Variants in FAM135B observed in about 807,000 individuals in gnomAD.
The protein encoded by FAM135B is protein FAM135B.
In FAM135B, 43 loss-of-function variants were observed where a neutral mutation model predicts 127.7. The ratio of observed to expected loss-of-function variants is 0.34; its 90% CI spans 0.26 to 0.43. The LOEUF is 0.43. Ranked by LOEUF, FAM135B falls within the 20% of genes least tolerant of loss-of-function variation. The probability of loss-of-function intolerance (pLI) is 1.00; values close to 1 mark genes in which losing one functional copy is unlikely to be tolerated. For synonymous variants in FAM135B, 670 were observed against 665.1 expected (o/e 1.01, Z -0.11); for missense variants, 1,558 against 1,725.6 (o/e 0.90, Z 1.72).
Position 138,242,520 on chromosome 8 carries a change from TA to T in FAM135B, c.669+421del, listed in dbSNP as rs1409646501. Among the ~76,000 whole-genome samples, 1 of 152,078 alleles carries T rather than the reference TA, an allele frequency of 6.6e-6. No homozygotes were observed. Among genetic ancestry groups the T allele is most frequent in the Non-Finnish European group, 1.5e-5 (1 of 68,024 alleles). On this transcript the variant is annotated intron_variant, in intron 7 of 19. Coordinates refer to ENST00000395297, the MANE Select transcript of FAM135B (RefSeq NM_015912.4). The surrounding 1 kb of genome is among the most constrained non-coding windows in gnomAD (Gnocchi z 9.6). ...GGGTACATATAACACTCCATGAGATTATTAGCTATTGGGGAGCCCACTCTAC... is the reference window on the plus strand; with the variant it reads ...GGGTACATATAACACTCCATGAGATTTTAGCTATTGGGGAGCCCACTCTAC...
intron 2 of FAM135B, among the ~76,000 whole-genome samples, chr8:138,365,516 A>G (rs1275757061): frequency 6.6e-6 from 1 of 152,234 alleles, no homozygotes; most frequent in Non-Finnish European, 1.5e-5. Flanking sequence ...AGTTTTTAAA[A>G]TATAACTAAA....
chr8:138,290,325 C>T (rs185755238), intron 3 of FAM135B, among the ~76,000 whole-genome samples: 117 of 152,266 alleles, frequency 7.7e-4, no homozygotes, highest in African/African-American at 2.7e-3. Flanking sequence ...AGAAGAGAAA[C>T]GATACAAAGA....
intron 1 of FAM135B, among the ~76,000 whole-genome samples, chr8:138,431,886 A>G (rs1176611581): frequency 1.3e-5 from 2 of 152,220 alleles, no homozygotes; most frequent in Non-Finnish European, 2.9e-5. Context: ...AGCATCCTCC[A>G]GAGGAAAGGC....
At chr8:138,184,035 A>T (rs1815327996) in intron 9 of FAM135B, among the ~76,000 whole-genome samples, 1 of 152,236 alleles carries the variant, frequency 6.6e-6, no homozygotes, top group Non-Finnish European at 1.5e-5. Flanking sequence ...GCAAGGCACC[A>T]TGAAACACAG....
chr8:138,227,786 G>A (rs1819586824), intron 7 of FAM135B, among the ~76,000 whole-genome samples: 1 of 146,264 alleles, frequency 6.8e-6, no homozygotes, highest in South Asian at 2.2e-4. Flanking sequence ...TTAATATGAG[G>A]TCTGCTCTCT....
chr8:138,315,201 C>T (rs2130914877), intron 2 of FAM135B, among the ~76,000 whole-genome samples: 1 of 152,204 alleles, frequency 6.6e-6, no homozygotes. Flanking sequence ...AAATTACCAA[C>T]ACGTTTGTGA....
chr8:138,240,748 G>A (rs888006721), intron 7 of FAM135B, among the ~76,000 whole-genome samples: 2 of 152,186 alleles, frequency 1.3e-5, no homozygotes, highest in African/African-American at 4.8e-5. Flanking sequence ...ACCTGACAAA[G>A]TCTTGGAGGG....
At chr8:138,227,371 G>A (rs1367630548) in intron 7 of FAM135B, among the ~76,000 whole-genome samples, 1 of 152,184 alleles carries the variant, frequency 6.6e-6, no homozygotes, top group Non-Finnish European at 1.5e-5. Context: ...GTTGACAATG[G>A]CACATTAGTA....
intron 1 of FAM135B, among the ~76,000 whole-genome samples, chr8:138,409,336 G>T (rs2131397588): frequency 6.6e-6 from 1 of 152,154 alleles, no homozygotes; most frequent in South Asian, 2.1e-4. Flanking sequence ...TCTTACATGG[G>T]CATGCTTCAT....
intron 7 of FAM135B, among the ~76,000 whole-genome samples, chr8:138,222,548 C>T (rs1819104761): frequency 6.6e-6 from 1 of 152,052 alleles, no homozygotes; most frequent in South Asian, 2.1e-4. Flanking sequence ...ACAAATATAA[C>T]TGTTATTTTA....
At chr8:138,441,869 A>G (rs1835789927) in intron 1 of FAM135B, 1 of 151,994 alleles carries the variant, frequency 6.6e-6, no homozygotes, top group African/African-American at 2.4e-5. Context: ...GATGACAGAG[A>G]ATATGCTGTG....
intron 1 of FAM135B, among the ~76,000 whole-genome samples, chr8:138,452,498 G>C (rs1428042225): frequency 1.3e-5 from 2 of 152,028 alleles, no homozygotes; most frequent in Non-Finnish European, 2.9e-5. Context: ...AAAAATAAAA[G>C]TGTCCACACC....
At chr8:138,467,563 T>C (rs1486660032) in intron 1 of FAM135B, among the ~76,000 whole-genome samples, 2 of 152,226 alleles carry the variant, frequency 1.3e-5, no homozygotes, top group Non-Finnish European at 2.9e-5. Context: ...TCACTTCTAG[T>C]GCTTCTGAAA....
intron 11 of FAM135B, among the ~76,000 whole-genome samples, chr8:138,173,926 A>G (rs1037127907): frequency 6.6e-6 from 1 of 152,160 alleles, no homozygotes; most frequent in African/African-American, 2.4e-5. Flanking sequence ...ACAATAAAAC[A>G]CACCCTTGCT....
rs1030807701 is a variant in FAM135B at position 138,207,091 on chromosome 8, CCTT to C, written c.670-9425_670-9423del. ...AATAAACTCAGTTTTGTGTTCCTCT[CCTT>C]CTATAAATTTGTTGTATTACTGTGT... On this transcript the variant is annotated intron_variant, in intron 7 of 19. Transcript: ENST00000395297. 5.5e-4 allele frequency among the ~76,000 whole-genome samples: 83 copies of C among 152,270 alleles called. 2 individuals carry two copies. The highest frequency in any genetic ancestry group is 1.9e-3 in the African/African-American group (77 of 41,542).
At chr8:138,343,166 C>T (rs1376294004) in intron 2 of FAM135B, among the ~76,000 whole-genome samples, 2 of 152,196 alleles carry the variant, frequency 1.3e-5, no homozygotes, top group Non-Finnish European at 2.9e-5. Context: ...AAGGAAAATC[C>T]AGAACTAAGG....
intron 12 of FAM135B, among the ~76,000 whole-genome samples, chr8:138,154,451 T>G (rs985308964): frequency 6.6e-6 from 1 of 151,658 alleles, no homozygotes; most frequent in African/African-American, 2.4e-5. Context: ...CTTTGAGGAG[T>G]TGACGGAAGT....
intron 1 of FAM135B, among the ~76,000 whole-genome samples, chr8:138,391,129 G>A (rs1731766766): frequency 7.9e-6 from 1 of 126,878 alleles, no homozygotes; most frequent in Non-Finnish European, 1.6e-5. Context: ...CCACCCGACT[G>A]CTCCCTTCCC....
rs1836324481 is a variant in FAM135B, at chr8:138,448,623, G to A, written c.-20+48048C>T. The stretch of plus-strand genomic sequence containing the variant: ...CACCATCAGCTCTCCTGGGCTTCTG[G>A]CTCACCAAGTGAAGATCTTGGGACT... On this transcript the variant is annotated intron_variant, in intron 1 of 19. Transcript: ENST00000395297. Among the ~76,000 whole-genome samples, 3 of 152,056 alleles carry A rather than the reference G, an allele frequency of 2.0e-5. No individual in the cohort carries two copies. In the South Asian group the frequency reaches 6.2e-4, roughly 32 times the overall value.
Sources: allele counts gnomAD v4.1 joint callset (sites outside exome capture counted in the v4.1 genomes callset), GRCh38; gene constraint gnomAD v4.1.1; non-coding constraint Gnocchi (gnomAD v3.1); transcripts MANE v1.5; gene names NCBI Gene and HGNC (gene_info 2026-07-23, HGNC 2026-07-21).